The following FRMD4A variants were observed in gnomAD, a reference collection of about 807,000 sequenced individuals.
FRMD4A encodes FERM domain-containing protein 4A.
FRMD4A carries 29 observed loss-of-function variants against 129.1 expected under a neutral mutation model. The ratio of observed to expected loss-of-function variants is 0.22; its 90% CI spans 0.17 to 0.31. The LOEUF (loss-of-function observed/expected upper bound fraction) is 0.31, where lower values mean the gene tolerates loss of function less well. FRMD4A is among the 10% of genes least tolerant of loss of function. The pLI is 1.00. For synonymous variants in FRMD4A, 634 were observed against 571.6 expected (o/e 1.11, Z -1.56); for missense variants, 1,272 against 1,375.8 (o/e 0.92, Z 1.19).
chr10:13,695,841 T>C (rs10906449), intron 14 of FRMD4A, among the ~76,000 whole-genome samples: 80,922 of 152,088 alleles, frequency 0.53, 21,922 homozygotes, highest in African/African-American at 0.64. Context: ...CTTCCGTGCC[T>C]GGGGGCCCTT....
At chr10:13,858,638 T>C (rs927121730) in intron 3 of FRMD4A, among the ~76,000 whole-genome samples, 2 of 152,322 alleles carry the variant, frequency 1.3e-5, no homozygotes, top group South Asian at 4.1e-4. Context: ...TAGATGTACA[T>C]CTGGCCTTGG....
At position 13,656,711 on chromosome 10, in the gene FRMD4A, T is replaced by C. The variant is rs369869090; in HGVS notation, c.2878A>G (p.Ser960Gly). The part of the protein sequence containing the change: ...STSSDSGSQY[S>G]TSSQSTFVAH... ...ACGAAGGTGCTCTGGGAGGAGGTGC[T>C]GTACTGCGAGCCGCTGTCCGAGGAG... is the stretch of plus-strand genomic sequence containing the variant. The change falls in exon 22 of 25, where the codon AGC (serine) becomes GGC (glycine). Residue 960 changes from serine to glycine, a missense_variant. Coordinates refer to ENST00000357447, the MANE Select transcript of FRMD4A (RefSeq NM_018027.5). 1 of 1,585,654 alleles carries C rather than the reference T, an allele frequency of 6.3e-7. No homozygotes were observed.
intron 2 of FRMD4A, among the ~76,000 whole-genome samples, chr10:14,145,354 A>T (rs1397425648): frequency 6.6e-6 from 1 of 152,192 alleles, no homozygotes; most frequent in Admixed American, 6.5e-5. Flanking sequence ...ACTAATACAG[A>T]TTTTTAAAAC....
intron 2 of FRMD4A, among the ~76,000 whole-genome samples, chr10:13,975,631 ATGTGTG>A (rs1220976588): frequency 1.4e-5 from 2 of 148,068 alleles, no homozygotes; most frequent in East Asian, 4.0e-4. Context: ...GTGTCTATCC[ATGTGTG>A]TGTGAATCTC....
chr10:13,710,239 T>C (rs1294050214), intron 12 of FRMD4A, among the ~76,000 whole-genome samples: 1 of 152,158 alleles, frequency 6.6e-6, no homozygotes. Flanking sequence ...GTGCCTTTCA[T>C]GGGAAGCCCC....
intron 2 of FRMD4A, among the ~76,000 whole-genome samples, chr10:14,111,623 A>G (rs535760150): frequency 1.3e-5 from 2 of 152,254 alleles, no homozygotes; most frequent in South Asian, 2.1e-4. Flanking sequence ...TTCATCCACA[A>G]TGAATTCATA....
intron 12 of FRMD4A, chr10:13,710,794 C>T (rs2087941414): frequency 6.6e-6 from 1 of 152,522 alleles, no homozygotes; most frequent in African/African-American, 2.4e-5. Context: ...GGGCAGATCA[C>T]TTGAGGTCAG....
At chr10:14,022,098 C>T (rs1465503436) in intron 2 of FRMD4A, among the ~76,000 whole-genome samples, 2 of 152,150 alleles carry the variant, frequency 1.3e-5, no homozygotes, top group Admixed American at 6.5e-5. Context: ...CAAAGGTGTC[C>T]TTGCCTTTTG....
At chr10:13,765,337 G>C (rs939164671) in intron 6 of FRMD4A, among the ~76,000 whole-genome samples, 21 of 151,846 alleles carry the variant, frequency 1.4e-4, no homozygotes, top group Non-Finnish European at 2.6e-4. Flanking sequence ...GGCTGGTCTC[G>C]AACTTCTGAC....
At chr10:13,688,484 T>C (rs1342593831) in intron 15 of FRMD4A, among the ~76,000 whole-genome samples, 2 of 152,058 alleles carry the variant, frequency 1.3e-5, no homozygotes, top group Non-Finnish European at 2.9e-5. Flanking sequence ...ACATGGCACA[T>C]GTATACGTGT....
chr10:14,139,747 G>T (rs1044622805), intron 2 of FRMD4A, among the ~76,000 whole-genome samples: 30 of 152,124 alleles, frequency 2.0e-4, no homozygotes, highest in African/African-American at 7.2e-4. Context: ...ACAGAACCTG[G>T]CCAAATATGT....
At chr10:14,008,023 A>C (rs1300657881) in intron 2 of FRMD4A, 1 of 1,294,690 alleles carries the variant, frequency 7.7e-7, no homozygotes, top group Non-Finnish European at 1.0e-6. Context: ...CTGTCTTTGG[A>C]GCAACTGAGA....
chr10:14,074,816 G>A (rs994525331), intron 2 of FRMD4A: 3 of 152,148 alleles, frequency 2.0e-5, no homozygotes, highest in African/African-American at 7.2e-5. Context: ...AATTTTAAGA[G>A]GATAACCCTG....
At chr10:13,725,667 C>A (rs373287536) in intron 12 of FRMD4A, among the ~76,000 whole-genome samples, 1 of 152,144 alleles carries the variant, frequency 6.6e-6, no homozygotes, top group African/African-American at 2.4e-5. Flanking sequence ...AGACCAGTCT[C>A]GGGATGGCCT....
At chr10:13,799,901 T>G (rs1313317059) in intron 4 of FRMD4A, among the ~76,000 whole-genome samples, 2 of 152,050 alleles carry the variant, frequency 1.3e-5, no homozygotes, top group Admixed American at 6.6e-5. Context: ...TGACCTAGGC[T>G]GGGTGAGGTA....
chr10:14,030,641 T>C (rs1833194850), intron 2 of FRMD4A, among the ~76,000 whole-genome samples: 1 of 152,230 alleles, frequency 6.6e-6, no homozygotes, highest in South Asian at 2.1e-4. Flanking sequence ...CTGGCCTGTC[T>C]GCTCCAGCTA....
intron 12 of FRMD4A, among the ~76,000 whole-genome samples, chr10:13,708,886 C>G (rs2087737031): frequency 6.6e-6 from 1 of 152,226 alleles, no homozygotes; most frequent in Non-Finnish European, 1.5e-5. Context: ...GGCCTCATAG[C>G]CTGGGGGCAG....
At chr10:14,325,088 G>A (rs146882731) in intron 2 of FRMD4A, among the ~76,000 whole-genome samples, 66 of 152,312 alleles carry the variant, frequency 4.3e-4, no homozygotes, top group African/African-American at 1.5e-3. Flanking sequence ...GAGGACATCC[G>A]GTGGGACAAC....
At chr10:14,099,943 A>G (rs1338363208) in intron 2 of FRMD4A, among the ~76,000 whole-genome samples, 2 of 152,132 alleles carry the variant, frequency 1.3e-5, no homozygotes, top group Non-Finnish European at 2.9e-5. Context: ...CTGGGTTCTG[A>G]GCGAGTACCT....
Sources: allele counts gnomAD v4.1 joint callset (sites outside exome capture counted in the v4.1 genomes callset), GRCh38; gene constraint gnomAD v4.1.1; transcripts MANE v1.5; gene names NCBI Gene and HGNC (gene_info 2026-07-23, HGNC 2026-07-21).